SAMD5: variants seen among roughly 807,000 people sequenced by gnomAD.
The protein encoded by SAMD5 is sterile alpha motif domain containing 5, also known as sterile alpha motif domain-containing protein 5.
SAMD5 carries 13 observed loss-of-function variants against 11.3 expected under a neutral mutation model. The observed-to-expected ratio is 1.15, with a 90% CI of 0.75 to 1.83. SAMD5 has a LOEUF of 1.83. Ranked by LOEUF, SAMD5 falls within the 40% of genes most tolerant of loss-of-function variation. The pLI is 0.00. For synonymous variants in SAMD5, 129 were observed against 111.3 expected, an observed-to-expected ratio of 1.16 and a Z score of -1.00; for missense variants, 255 against 239.1, an observed-to-expected ratio of 1.07 and a Z score of -0.44.
the SAMD5 span, among the ~76,000 whole-genome samples, chr6:147,814,210 C>T: frequency 9.2e-5 from 14 of 152,086 alleles, no homozygotes; most frequent in African/African-American, 3.4e-4. Flanking sequence ...TGTTCTTTGT[C>T]ACAGTTTAAA....
chr6:147,729,311 A>G lies in SAMD5; in HGVS notation c.163-8006A>G, dbSNP rs190932047. Among the ~76,000 whole-genome samples the G allele has an allele frequency of 9.2e-5, 14 of 152,316 alleles. No individual in the cohort carries two copies. In the East Asian group the frequency reaches 1.7e-3, roughly 19 times the overall value. On this transcript the variant is annotated intron_variant, in intron 1 of 1. Coordinates refer to the SAMD5 transcript ENST00000566741. ...AACATATGAATTTCGAGGTGACACAATTCAGCCCGTAACAAAAGCCAGTGT... is the reference window on the plus strand; with the variant it reads ...AACATATGAATTTCGAGGTGACACAGTTCAGCCCGTAACAAAAGCCAGTGT...
the SAMD5 span, among the ~76,000 whole-genome samples, chr6:147,811,427 G>A: frequency 6.6e-6 from 1 of 152,218 alleles, no homozygotes; most frequent in African/African-American, 2.4e-5. Context: ...ATTAGCCTCA[G>A]GTTAGGGAAT....
At chr6:147,795,275 C>T in the SAMD5 span, among the ~76,000 whole-genome samples, 1 of 142,262 alleles carries the variant, frequency 7.0e-6, no homozygotes, top group Non-Finnish European at 1.5e-5. Flanking sequence ...TCCATGTGTT[C>T]TCATTGTTCA....
the SAMD5 span, among the ~76,000 whole-genome samples, chr6:147,766,020 T>C: frequency 2.7e-5 from 4 of 150,726 alleles, no homozygotes; most frequent in South Asian, 8.4e-4. Flanking sequence ...ATTTGAGGAA[T>C]ATGCCCATGA....
At chr6:147,620,852 G>C (rs1402552740) in intron 1 of SAMD5, among the ~76,000 whole-genome samples, 1 of 152,098 alleles carries the variant, frequency 6.6e-6, no homozygotes. Flanking sequence ...TGTTGGGACT[G>C]TGTTTGAGGA....
At chr6:147,838,096 A>C in the SAMD5 span, among the ~76,000 whole-genome samples, 1 of 152,154 alleles carries the variant, frequency 6.6e-6, no homozygotes, top group Non-Finnish European at 1.5e-5. Context: ...TGCTGGTTTT[A>C]CTCAAGAGAC....
intron 1 of SAMD5, among the ~76,000 whole-genome samples, chr6:147,608,993 G>T (rs1162180842): frequency 6.6e-6 from 1 of 151,998 alleles, no homozygotes; most frequent in Non-Finnish European, 1.5e-5. Context: ...AAAATAGACA[G>T]TGATCACTTT....
chr6:147,786,686 T>C, the SAMD5 span, among the ~76,000 whole-genome samples: 1 of 152,234 alleles, frequency 6.6e-6, no homozygotes, highest in Admixed American at 6.5e-5. Flanking sequence ...TTCATTTGAT[T>C]GTCCTAAATT....
intron 1 of SAMD5, among the ~76,000 whole-genome samples, chr6:147,531,449 T>C (rs531733621): frequency 6.6e-6 from 1 of 152,358 alleles, no homozygotes; most frequent in South Asian, 2.1e-4. Flanking sequence ...CTTATTTCCA[T>C]ATAATGTGAA....
intron 1 of SAMD5, among the ~76,000 whole-genome samples, chr6:147,625,348 G>C (rs1790035049): frequency 6.6e-6 from 1 of 152,034 alleles, no homozygotes; most frequent in African/African-American, 2.4e-5. Flanking sequence ...GTGCCAGGAG[G>C]GACTCATGTT....
At chr6:147,819,124 A>G in the SAMD5 span, among the ~76,000 whole-genome samples, 1 of 152,238 alleles carries the variant, frequency 6.6e-6, no homozygotes, top group African/African-American at 2.4e-5. Flanking sequence ...TGGAACATAT[A>G]CACCATGGGA....
chr6:147,671,115 A>G (rs976831600), intron 1 of SAMD5, among the ~76,000 whole-genome samples: 2 of 152,214 alleles, frequency 1.3e-5, no homozygotes, highest in Admixed American at 1.3e-4. Flanking sequence ...GGCAAGAGGG[A>G]CAGAAGAATG....
intron 1 of SAMD5, among the ~76,000 whole-genome samples, chr6:147,736,855 T>G (rs1465825610): frequency 6.6e-6 from 1 of 152,218 alleles, no homozygotes; most frequent in Non-Finnish European, 1.5e-5. Flanking sequence ...AATTTTAATC[T>G]GGGGCATTGA....
the SAMD5 span, among the ~76,000 whole-genome samples, chr6:147,870,648 A>G: frequency 6.6e-6 from 1 of 151,836 alleles, no homozygotes; most frequent in Non-Finnish European, 1.5e-5. Context: ...ACTTGAATAA[A>G]AAAAATTCAA....
chr6:147,730,032 C>A (rs767718449), intron 1 of SAMD5: 104 of 404,614 alleles, frequency 2.6e-4, no homozygotes, highest in Middle Eastern at 1.3e-3. Context: ...TTGCAGTGAG[C>A]CAAGATCATG....
At chr6:147,667,698 A>G (rs1016739489) in intron 1 of SAMD5, among the ~76,000 whole-genome samples, 1 of 152,202 alleles carries the variant, frequency 6.6e-6, no homozygotes, top group African/African-American at 2.4e-5. Context: ...CATCATGCAG[A>G]ATACAGTTGG....
the SAMD5 span, among the ~76,000 whole-genome samples, chr6:147,928,060 C>A: frequency 1.4e-4 from 22 of 152,180 alleles, no homozygotes; most frequent in African/African-American, 2.4e-4. Flanking sequence ...CTGCTGGATT[C>A]AATTTACAAG....
At chr6:147,733,756 C>A in intron 1 of SAMD5, 1 of 967,000 alleles carries the variant, frequency 1.0e-6, no homozygotes, top group Middle Eastern at 5.3e-4. Context: ...ATTCTTCAGG[C>A]AGAAAATGGG....
chr6:147,597,488 C>T (rs551552086), intron 1 of SAMD5, among the ~76,000 whole-genome samples: 2 of 152,250 alleles, frequency 1.3e-5, no homozygotes, highest in South Asian at 2.1e-4. Context: ...ACTTCTCTGT[C>T]GTGAATTGAT....
Sources: allele counts gnomAD v4.1 joint callset (sites outside exome capture counted in the v4.1 genomes callset), GRCh38; gene constraint gnomAD v4.1.1; transcripts MANE v1.5; gene names NCBI Gene and HGNC (gene_info 2026-07-23, HGNC 2026-07-21).